Variants in GNE observed in about 807,000 individuals in gnomAD.
GNE encodes bifunctional UDP-N-acetylglucosamine 2-epimerase/N-acetylmannosamine kinase.
GNE carries 41 observed loss-of-function variants against 61.8 expected under a neutral mutation model. The ratio of observed to expected loss-of-function variants is 0.66; its 90% confidence interval spans 0.52 to 0.86. GNE has a LOEUF of 0.86. GNE is among the 40% of genes least tolerant of loss of function. GNE has a pLI of 0.00. For synonymous variants in GNE, 264 were observed against 326.4 expected, an observed-to-expected ratio of 0.81 and a Z score of 2.06; for missense variants, 608 against 909.1, an observed-to-expected ratio of 0.67 and a Z score of 4.26.
rs1241280361 is a variant in GNE, at chr9:36,276,353, A to G, written c.51+541T>C. Among the ~76,000 whole-genome samples, 3 of 152,340 alleles carry G rather than the reference A, an allele frequency of 2.0e-5. No individual in the cohort carries two copies. The East Asian group carries it at 5.8e-4, about 29-fold the overall frequency. On this transcript the variant is annotated intron_variant, in intron 1 of 11. Transcript: ENST00000396594. ...AAACTACACTATAGTATAGCACACT[A>G]TATGTCGCATTTATATATTGATAAA...
intron 4 of GNE, among the ~76,000 whole-genome samples, chr9:36,234,554 AAGAACTC>A (rs1829315482): frequency 6.6e-6 from 1 of 152,080 alleles, no homozygotes. Context: ...TTACACTAAC[AAGAACTC>A]GGTGGGATAG....
intron 1 of GNE, among the ~76,000 whole-genome samples, chr9:36,276,714 G>C (rs964893071): frequency 6.6e-6 from 1 of 152,176 alleles, no homozygotes; most frequent in Non-Finnish European, 1.5e-5. Flanking sequence ...TAACTGAGAA[G>C]CAAGTAGCAG....
In GNE at chr9:36,218,115, G is replaced by T. The variant is rs1044865458; in HGVS notation, c.1933+68C>A. 2.9e-6 allele frequency: 3 copies of T among 1,024,876 alleles called. No individual in the cohort carries two copies. In the African/African-American group the frequency reaches 4.7e-5, roughly 16 times the overall value. The allele number at this position is 1,024,876 out of a possible 1,614,324, so 63.5% of individuals were successfully genotyped here. A position where few individuals can be genotyped will look rare whatever the true frequency, so the allele number is the denominator to read the frequency against. On this transcript the variant is annotated intron_variant, in intron 11 of 11. Transcript: ENST00000642385. The surrounding 1 kb of genome is among the most constrained non-coding windows in gnomAD (Gnocchi z 4.1). The stretch of plus-strand genomic sequence containing the variant: ...CTAGGGAAGCAGGGTCTCTTCTGGG[G>T]CCGGGCTGGGCCATATGATATCTGA...
chr9:36,228,545 C>T (rs988028384), intron 6 of GNE, among the ~76,000 whole-genome samples: 15 of 151,996 alleles, frequency 9.9e-5, no homozygotes, highest in Middle Eastern at 3.2e-3. Context: ...GTAATCCCAG[C>T]GCTTTGGGAG....
At chr9:36,222,588 G>A (rs1828646550) in intron 9 of GNE, among the ~76,000 whole-genome samples, 189 bp downstream of exon 9, 1 of 152,162 alleles carries the variant, frequency 6.6e-6, no homozygotes, top group Non-Finnish European at 1.5e-5. Context: ...CAAGTTCCTG[G>A]AATTTAGAAG....
At chr9:36,229,423 T>G (rs1001010168) in intron 5 of GNE, among the ~76,000 whole-genome samples, 2 of 152,180 alleles carry the variant, frequency 1.3e-5, no homozygotes, top group African/African-American at 4.8e-5. Flanking sequence ...ATCTATGAGA[T>G]TCACTCTCTT....
chr9:36,237,007 C>A, intron 3 of GNE, 23 bp from the exon 4 acceptor site: 1 of 1,579,824 alleles, frequency 6.3e-7, no homozygotes, highest in South Asian at 1.1e-5. Context: ...AATCAAACCA[C>A]ATTGCTTCAT....
chr9:36,259,272 G>A (rs981901990), upstream of GNE, among the ~76,000 whole-genome samples: 1 of 152,196 alleles, frequency 6.6e-6, no homozygotes, highest in African/African-American at 2.4e-5. Flanking sequence ...CAGCATTTTA[G>A]GAAGCCAAGT....
intron 5 of GNE, among the ~76,000 whole-genome samples, chr9:36,230,419 G>C (rs1829089863): frequency 6.6e-6 from 1 of 151,876 alleles, no homozygotes. Context: ...AGATTGAAGG[G>C]CTCCAGAGGT....
intron 1 of GNE, among the ~76,000 whole-genome samples, chr9:36,273,321 ATTC>A (rs1444506603): frequency 6.6e-6 from 1 of 151,030 alleles, no homozygotes; most frequent in African/African-American, 2.4e-5. Flanking sequence ...GGTTCAAGCA[ATTC>A]TTCTGCCTCA....
chr9:36,250,094 A>T (rs997428523), intron 1 of GNE, among the ~76,000 whole-genome samples: 2 of 152,156 alleles, frequency 1.3e-5, no homozygotes, highest in African/African-American at 4.8e-5. Context: ...TTGCAAAATC[A>T]GTTGTTGAGA....
chr9:36,224,505 G>A lies in GNE; in HGVS notation c.1282-1003C>T, dbSNP rs189227299. ...TAATCATCTCCTGTAACTGAATTCA[G>A]TGATGGTCTGGATACTCTATTTCCT... On this transcript the variant is annotated intron_variant, in intron 7 of 11. Coordinates refer to ENST00000642385, the MANE Select transcript of GNE (RefSeq NM_005476.7). Among the ~76,000 whole-genome samples the A allele has an allele frequency of 9.2e-5, 14 of 152,276 alleles. No homozygotes were observed. The East Asian group carries it at 2.3e-3, about 25-fold the overall frequency.
intron 1 of GNE, among the ~76,000 whole-genome samples, chr9:36,271,358 T>C (rs1831021836): frequency 1.3e-5 from 2 of 152,190 alleles, no homozygotes; most frequent in Non-Finnish European, 1.5e-5. Flanking sequence ...CACTTGTCTT[T>C]ACTCATCTCA....
intron 3 of GNE, among the ~76,000 whole-genome samples, chr9:36,239,181 T>C (rs1829531726): frequency 1.3e-5 from 2 of 152,170 alleles, no homozygotes; most frequent in Non-Finnish European, 2.9e-5. Flanking sequence ...TCCAGATTTG[T>C]TCTTTTTGCT....
chr9:36,269,904 C>T (rs777349402), intron 1 of GNE, among the ~76,000 whole-genome samples: 2 of 152,086 alleles, frequency 1.3e-5, no homozygotes, highest in Non-Finnish European at 2.9e-5. Context: ...TCAGGTGATC[C>T]GCCCATCTTG....
At position 36,217,490 on chromosome 9, in the gene GNE, C is replaced by T. The variant is rs768384042; in HGVS notation, c.2044G>A (p.Val682Ile). 15 of 1,613,964 alleles carry T rather than the reference C, an allele frequency of 9.3e-6. 1 individual carries two copies. The African/African-American group carries it at 1.1e-4, about 11-fold the overall frequency. The change falls in exon 12 of 12, where the codon GTC becomes ATC. Residue 682 changes from valine to isoleucine, a missense_variant. Val to Ile is a conservative substitution (Grantham distance 29). Transcript: ENST00000642385. ...GAGGACAAGGCCTGCTGGCGAATGACGTCTTTGACAATGTGGATATAGTGA... is the reference window on the plus strand; with the variant it reads ...GAGGACAAGGCCTGCTGGCGAATGATGTCTTTGACAATGTGGATATAGTGA... ...ASHYIHIVKD[V>I]IRQQALSSVQ...
At chr9:36,248,023 T>C (rs1829963438) in intron 2 of GNE, among the ~76,000 whole-genome samples, 2 of 55,854 alleles carry the variant, frequency 3.6e-5, no homozygotes, top group South Asian at 1.2e-3. Flanking sequence ...CAAAACTCCG[T>C]CTCAAAAAAA....
At chr9:36,231,617 A>T (rs1829159253) in intron 5 of GNE, among the ~76,000 whole-genome samples, 1 of 152,230 alleles carries the variant, frequency 6.6e-6, no homozygotes. Context: ...CAAAGGCTAA[A>T]ACAGAGACTT....
intron 1 of GNE, among the ~76,000 whole-genome samples, chr9:36,273,995 ATGAC>A (rs1831145157): frequency 6.6e-6 from 1 of 151,906 alleles, no homozygotes; most frequent in Non-Finnish European, 1.5e-5. Context: ...AGACAACTGA[ATGAC>A]TGTTAGACAT....
Sources: gnomAD v4.1 joint callset for allele counts (sites outside exome capture counted in the v4.1 genomes callset) on GRCh38, gnomAD v4.1.1 for gene constraint, Gnocchi (gnomAD v3.1) non-coding constraint, MANE v1.5 for transcripts, NCBI Gene and HGNC (gene_info 2026-07-23, HGNC 2026-07-21) for gene names.